Variants in PPARGC1A observed in about 807,000 individuals in gnomAD.
PPARGC1A encodes the protein PPARG coactivator 1 alpha.
In PPARGC1A, 25 loss-of-function variants were observed where a neutral mutation model predicts 88.7. The observed-to-expected ratio is 0.28, with a 90% CI of 0.21 to 0.39. PPARGC1A has a LOEUF of 0.39. Among genes scored for constraint, PPARGC1A ranks in the 10% least tolerant of loss-of-function variants. The pLI, the probability that PPARGC1A is intolerant of heterozygous loss-of-function variation, is 1.00. For synonymous variants in PPARGC1A, 363 were observed against 355.6 expected (o/e 1.02, Z -0.24); for missense variants, 880 against 968.7 (o/e 0.91, Z 1.22).
the PPARGC1A span, among the ~76,000 whole-genome samples, chr4:24,068,486 G>A: frequency 6.6e-6 from 1 of 152,168 alleles, no homozygotes; most frequent in African/African-American, 2.4e-5. Context: ...ATGGGCTTCA[G>A]GGAATTGCAA....
the PPARGC1A span, among the ~76,000 whole-genome samples, chr4:24,025,461 T>A: frequency 7.9e-5 from 12 of 152,262 alleles, no homozygotes; most frequent in African/African-American, 2.9e-4. Context: ...CCCATCTTTC[T>A]TGAAAGGGTA....
chr4:23,901,662 T>A (rs1033206488), upstream of PPARGC1A, among the ~76,000 whole-genome samples: 5 of 152,074 alleles, frequency 3.3e-5, no homozygotes, highest in Admixed American at 1.3e-4. Flanking sequence ...TCAAATTGTG[T>A]TTTAAATGAT....
the PPARGC1A span, among the ~76,000 whole-genome samples, chr4:24,329,256 A>G: frequency 0.41 from 62,400 of 150,798 alleles, 13,154 homozygotes; most frequent in South Asian, 0.46. Context: ...CATCTCTTTA[A>G]GCTTTTTTTT....
chr4:24,327,725 A>G, the PPARGC1A span, among the ~76,000 whole-genome samples: 5 of 151,924 alleles, frequency 3.3e-5, no homozygotes, highest in African/African-American at 2.4e-5. Flanking sequence ...GAGAAACATC[A>G]CCCAGTCTCT....
At chr4:24,447,127 C>A in the PPARGC1A span, among the ~76,000 whole-genome samples, 1 of 152,200 alleles carries the variant, frequency 6.6e-6, no homozygotes, top group Non-Finnish European at 1.5e-5. Flanking sequence ...TGAGCCCCAA[C>A]AGAGCCTTCT....
the PPARGC1A span, among the ~76,000 whole-genome samples, chr4:24,249,468 C>A: frequency 9.9e-5 from 15 of 152,284 alleles, no homozygotes; most frequent in Non-Finnish European, 1.5e-5. Context: ...GCTGGAAACT[C>A]CAAAAGCGGC....
chr4:24,221,634 G>A, the PPARGC1A span, among the ~76,000 whole-genome samples: 1 of 152,170 alleles, frequency 6.6e-6, no homozygotes, highest in East Asian at 1.9e-4. Context: ...TTGGCTGACT[G>A]CAGTGACTCA....
the PPARGC1A span, among the ~76,000 whole-genome samples, chr4:23,933,346 A>T: frequency 6.6e-6 from 1 of 152,238 alleles, no homozygotes; most frequent in Non-Finnish European, 1.5e-5. Context: ...GAGATAAAGT[A>T]AGCAAATATA....
chr4:24,126,267 CCACACA>C, the PPARGC1A span, among the ~76,000 whole-genome samples: 169 of 146,530 alleles, frequency 1.2e-3, no homozygotes, highest in Middle Eastern at 3.4e-3. Flanking sequence ...TGGCTTCTCA[CCACACA>C]CACACACACA....
At chr4:24,356,383 C>A in the PPARGC1A span, among the ~76,000 whole-genome samples, 1 of 152,136 alleles carries the variant, frequency 6.6e-6, no homozygotes, top group East Asian at 1.9e-4. Context: ...AAAATCAGGA[C>A]CCTAATTAAC....
the PPARGC1A span, among the ~76,000 whole-genome samples, chr4:24,243,967 A>G: frequency 6.6e-6 from 1 of 152,224 alleles, no homozygotes; most frequent in Admixed American, 6.5e-5. Flanking sequence ...TGTTGAGTGA[A>G]GAGTAGGGTT....
At chr4:24,117,127 C>T in the PPARGC1A span, among the ~76,000 whole-genome samples, 2 of 151,918 alleles carry the variant, frequency 1.3e-5, no homozygotes, top group Non-Finnish European at 2.9e-5. Flanking sequence ...AGGGAATTCC[C>T]AGAAGTCTTT....
chr4:23,959,017 CAAAA>C, the PPARGC1A span, among the ~76,000 whole-genome samples: 19 of 138,834 alleles, frequency 1.4e-4, no homozygotes, highest in Admixed American at 1.4e-4. Context: ...TTTACCAAAC[CAAAA>C]AAAAAAAAAA....
At chr4:24,300,926 T>A in the PPARGC1A span, among the ~76,000 whole-genome samples, 7 of 152,198 alleles carry the variant, frequency 4.6e-5, no homozygotes, top group East Asian at 1.4e-3. Context: ...ATATCTTTTA[T>A]CTTGAAGATA....
chr4:24,173,883 C>T, the PPARGC1A span, among the ~76,000 whole-genome samples: 2 of 152,200 alleles, frequency 1.3e-5, no homozygotes, highest in Admixed American at 6.5e-5. Flanking sequence ...ATGATAACTC[C>T]ACACCATCTG....
At chr4:24,072,103 T>C in the PPARGC1A span, among the ~76,000 whole-genome samples, 1 of 148,292 alleles carries the variant, frequency 6.7e-6, no homozygotes, top group Non-Finnish European at 1.5e-5. Flanking sequence ...TCCTCTTCAA[T>C]AATTTCATTT....
the PPARGC1A span, among the ~76,000 whole-genome samples, chr4:24,283,024 G>A: frequency 1.7e-3 from 255 of 152,178 alleles, 8 homozygotes; most frequent in East Asian, 0.034. Context: ...GTTACTTCCC[G>A]TGCTCCTTAC....
the PPARGC1A span, among the ~76,000 whole-genome samples, chr4:24,332,130 T>C: frequency 2.9e-3 from 442 of 152,018 alleles, 6 homozygotes; most frequent in African/African-American, 0.01. Flanking sequence ...GTTTTTGTTA[T>C]TGTTTTGTTT....
the PPARGC1A span, among the ~76,000 whole-genome samples, chr4:24,324,963 A>G: frequency 6.6e-6 from 1 of 150,740 alleles, no homozygotes; most frequent in Non-Finnish European, 1.5e-5. Context: ...TCTTTTTATC[A>G]CCTCCCCTCC....
Sources: allele counts gnomAD v4.1 joint callset (sites outside exome capture counted in the v4.1 genomes callset), GRCh38; gene constraint gnomAD v4.1.1; transcripts MANE v1.5; gene names NCBI Gene and HGNC (gene_info 2026-07-23, HGNC 2026-07-21).